Variants in ZNF536 observed in about 807,000 individuals in gnomAD.
ZNF536 encodes the protein zinc finger protein 536.
Under a neutral mutation model 84.5 loss-of-function variants are expected in ZNF536, and 13 were observed. The observed-to-expected ratio is 0.15, with a 90% CI of 0.10 to 0.24. The LOEUF (loss-of-function observed/expected upper bound fraction) is 0.24, where lower values mean the gene tolerates loss of function less well. Ranked by LOEUF, ZNF536 falls within the 10% of genes least tolerant of loss-of-function variation. The pLI is 1.00. For missense variants in ZNF536, 1,536 were observed against 1,747.5 expected, an observed-to-expected ratio of 0.88 and a Z score of 2.16; for synonymous variants, 811 against 742.5, an observed-to-expected ratio of 1.09 and a Z score of -1.50.
At chr19:30,324,262 A>C (rs559350426) in intron 2 of ZNF536, among the ~76,000 whole-genome samples, 1 of 152,230 alleles carries the variant, frequency 6.6e-6, no homozygotes, top group Non-Finnish European at 1.5e-5. Flanking sequence ...CCCATCCATC[A>C]TCCATCAATC....
chr19:30,515,130 C>T (rs1327342135), intron 2 of ZNF536, among the ~76,000 whole-genome samples: 1 of 152,086 alleles, frequency 6.6e-6, no homozygotes, highest in African/African-American at 2.4e-5. Flanking sequence ...GGTGTGGTGA[C>T]TCACACCTGT....
intron 3 of ZNF536, among the ~76,000 whole-genome samples, chr19:30,545,836 C>T (rs948239646): frequency 5.3e-5 from 8 of 152,194 alleles, no homozygotes; most frequent in East Asian, 1.9e-4. Context: ...TCTTTAGCTC[C>T]GCTAATGAAT....
downstream of ZNF536, among the ~76,000 whole-genome samples, chr19:30,560,455 G>T (rs117425906): frequency 6.6e-6 from 1 of 152,122 alleles, no homozygotes; most frequent in East Asian, 1.9e-4. Context: ...CCACATGTGG[G>T]ATTATAACAA....
chr19:30,308,443 TAGA>T (rs1390468518), intron 2 of ZNF536, among the ~76,000 whole-genome samples: 9 of 152,234 alleles, frequency 5.9e-5, no homozygotes, highest in Middle Eastern at 6.8e-3. Flanking sequence ...GAGAAAGGTT[TAGA>T]AGGAGAAGAT....
At chr19:30,536,818 AG>A (rs1166097334) in intron 3 of ZNF536, among the ~76,000 whole-genome samples, 1 of 152,052 alleles carries the variant, frequency 6.6e-6, no homozygotes, top group African/African-American at 2.4e-5. Context: ...GAGTTCAGGG[AG>A]GGGGCCTTGC....
chr19:30,617,963 G>A (rs970180701), intron 1 of ZNF536, among the ~76,000 whole-genome samples: 4 of 152,174 alleles, frequency 2.6e-5, no homozygotes, highest in Non-Finnish European at 4.4e-5. Flanking sequence ...AACAAAAAGA[G>A]TGTTTGTTTT....
intron 2 of ZNF536, among the ~76,000 whole-genome samples, chr19:30,485,116 C>A (rs1275427052): frequency 6.6e-6 from 1 of 151,580 alleles, no homozygotes; most frequent in Non-Finnish European, 1.5e-5. Context: ...TGCACTCCAG[C>A]CTGGGCGACA....
intron 1 of ZNF536, among the ~76,000 whole-genome samples, chr19:30,588,951 T>C (rs1223137079): frequency 6.6e-6 from 1 of 152,246 alleles, no homozygotes; most frequent in Non-Finnish European, 1.5e-5. Context: ...GACAAGCATG[T>C]TTTGGAAACA....
intron 1 of ZNF536, among the ~76,000 whole-genome samples, chr19:30,270,976 C>T (rs189018616): frequency 6.6e-6 from 1 of 152,094 alleles, no homozygotes; most frequent in African/African-American, 2.4e-5. Flanking sequence ...GAAACATCTG[C>T]CATCCCCTTG....
intron 1 of ZNF536, among the ~76,000 whole-genome samples, chr19:30,230,976 T>C (rs879553148): frequency 2.7e-4 from 41 of 151,748 alleles, no homozygotes; most frequent in Non-Finnish European, 5.3e-4. Context: ...ATGAACTTTT[T>C]TTTTTTTTTT....
chr19:30,261,600 A>T (rs1409660989), intron 1 of ZNF536, among the ~76,000 whole-genome samples: 2 of 150,410 alleles, frequency 1.3e-5, no homozygotes, highest in Non-Finnish European at 3.0e-5. Flanking sequence ...TCAGGAGGCT[A>T]AGGTGGGAGG....
intron 2 of ZNF536, among the ~76,000 whole-genome samples, chr19:30,468,874 C>A (rs1801353100): frequency 1.3e-5 from 2 of 151,998 alleles, no homozygotes; most frequent in Non-Finnish European, 1.5e-5. Context: ...GAGAGGGATT[C>A]CAGGCAGGAG....
At chr19:30,508,662 C>T (rs1179581666) in intron 2 of ZNF536, among the ~76,000 whole-genome samples, 1 of 151,992 alleles carries the variant, frequency 6.6e-6, no homozygotes, top group Non-Finnish European at 1.5e-5. Flanking sequence ...CTAGAAAATG[C>T]GTTCACTGAC....
chr19:30,413,654 C>G (rs1244743813), intron 1 of ZNF536, among the ~76,000 whole-genome samples: 2 of 152,144 alleles, frequency 1.3e-5, no homozygotes, highest in Non-Finnish European at 1.5e-5. Context: ...ATAACCTTTT[C>G]CATGATGAAT....
intron 1 of ZNF536, among the ~76,000 whole-genome samples, chr19:30,256,135 A>G (rs2024906704): frequency 2.0e-5 from 3 of 152,090 alleles, no homozygotes; most frequent in Admixed American, 1.3e-4. Context: ...CTGTGGAGAG[A>G]GTCCTTCTGC....
chr19:30,234,892 C>A (rs916267806), intron 1 of ZNF536, among the ~76,000 whole-genome samples: 1 of 152,180 alleles, frequency 6.6e-6, no homozygotes, highest in African/African-American at 2.4e-5. Context: ...GTCTGGCTTG[C>A]ATTTCTGAGA....
At chr19:30,277,045 T>G (rs982853588) in intron 1 of ZNF536, among the ~76,000 whole-genome samples, 18 of 152,330 alleles carry the variant, frequency 1.2e-4, no homozygotes, top group African/African-American at 4.1e-4. Context: ...ACTACTTAGC[T>G]TGGATTGCAA....
At chr19:30,653,623 C>T (rs1465906379) in intron 1 of ZNF536, among the ~76,000 whole-genome samples, 1 of 152,040 alleles carries the variant, frequency 6.6e-6, no homozygotes, top group Non-Finnish European at 1.5e-5. Flanking sequence ...CCCTTAGGAG[C>T]AGAGGATGGA....
At chr19:30,649,025 G>T (rs2049590421) in intron 1 of ZNF536, among the ~76,000 whole-genome samples, 1 of 152,124 alleles carries the variant, frequency 6.6e-6, no homozygotes, top group South Asian at 2.1e-4. Context: ...AGGGCGATGG[G>T]GTAGGACGGC....
Sources: allele counts gnomAD v4.1 joint callset (sites outside exome capture counted in the v4.1 genomes callset), GRCh38; gene constraint gnomAD v4.1.1; transcripts MANE v1.5; gene names NCBI Gene and HGNC (gene_info 2026-07-23, HGNC 2026-07-21).